The following PPM1L variants were observed in gnomAD, a reference collection of about 807,000 sequenced individuals.
PPM1L encodes protein phosphatase 1L.
Under a neutral mutation model 31.4 loss-of-function variants are expected in PPM1L, and 13 were observed. That is an observed-to-expected ratio of 0.41 (90% CI 0.27 to 0.66). The LOEUF (loss-of-function observed/expected upper bound fraction) is 0.66, where lower values mean the gene tolerates loss of function less well. Ranked by LOEUF, PPM1L falls within the 30% of genes least tolerant of loss-of-function variation. The pLI is 0.29. For synonymous variants in PPM1L, 184 were observed against 175.4 expected, an observed-to-expected ratio of 1.05 and a Z score of -0.39; for missense variants, 326 against 453.7, an observed-to-expected ratio of 0.72 and a Z score of 2.56.
chr3:160,963,509 C>T (rs1001124015), intron 2 of PPM1L, among the ~76,000 whole-genome samples: 6 of 152,058 alleles, frequency 3.9e-5, no homozygotes, highest in African/African-American at 9.7e-5. Context: ...GGACTAAATA[C>T]ACCCTGTAAT....
intron 1 of PPM1L, among the ~76,000 whole-genome samples, chr3:160,927,192 C>T (rs1436572239): frequency 6.6e-6 from 1 of 152,156 alleles, no homozygotes; most frequent in East Asian, 1.9e-4. Context: ...TACTTTAATA[C>T]ACCAACGTCA....
chr3:161,005,457 A>C (rs908501253), intron 2 of PPM1L, among the ~76,000 whole-genome samples: 2 of 152,186 alleles, frequency 1.3e-5, no homozygotes, highest in African/African-American at 4.8e-5. Flanking sequence ...AGTTTAGGAA[A>C]AAGAGATGGC....
chr3:160,997,724 TGAAGAGTGGGTGTGGTGGG>T (rs1436316680), intron 2 of PPM1L, among the ~76,000 whole-genome samples: 3 of 152,118 alleles, frequency 2.0e-5, no homozygotes, highest in Non-Finnish European at 2.9e-5. Flanking sequence ...AAAATTCTTT[TGAAGAGTGGGTGTGGTGGG>T]GAAGGGTCAG....
intron 2 of PPM1L, among the ~76,000 whole-genome samples, chr3:161,038,320 G>T (rs1718806884): frequency 6.7e-6 from 1 of 150,106 alleles, no homozygotes; most frequent in Admixed American, 6.6e-5. Context: ...TATTTTTCTT[G>T]TATTTTTTAG....
intron 2 of PPM1L, among the ~76,000 whole-genome samples, chr3:160,997,180 G>T (rs1717349287): frequency 6.6e-6 from 1 of 152,098 alleles, no homozygotes; most frequent in African/African-American, 2.4e-5. Flanking sequence ...GGTCTATGTG[G>T]ACTGTGACAA....
intron 2 of PPM1L, among the ~76,000 whole-genome samples, chr3:160,983,864 A>G (rs1401622407): frequency 6.6e-6 from 1 of 152,216 alleles, no homozygotes; most frequent in Non-Finnish European, 1.5e-5. Flanking sequence ...CCAAGCCACA[A>G]AACCAGCAAG....
At position 160,824,608 on chromosome 3, in the gene PPM1L, G is replaced by A. The variant is rs987909831; in HGVS notation, c.399+67901G>A. On this transcript the variant is annotated intron_variant, in intron 1 of 3. Transcript: ENST00000498165. ...AGTTGCAGGCCCTTGGGCATGAGGG[G>A]TGCCATATGAGAGAATACGGATGGA... Among the ~76,000 whole-genome samples the A allele has an allele frequency of 2.6e-5, 4 of 152,230 alleles. No homozygotes were observed. In the East Asian group the frequency reaches 7.7e-4, roughly 29 times the overall value.
Position 160,779,998 on chromosome 3 carries a change from G to A in PPM1L, c.399+23291G>A, listed in dbSNP as rs146276814. ...TGTAAAGTACTTAAAGTGGTGCATG[G>A]CACATAGTAGGCACTCATAAATGCT... is the stretch of plus-strand genomic sequence containing the variant. On this transcript the variant is annotated intron_variant, in intron 1 of 3. Coordinates refer to ENST00000498165, the MANE Select transcript of PPM1L (RefSeq NM_139245.4). 4.5e-3 allele frequency among the ~76,000 whole-genome samples: 681 copies of A among 151,952 alleles called. 4 individuals are homozygous for A. The highest frequency in any genetic ancestry group is 0.016 in the African/African-American group (664 of 41,472).
chr3:160,937,089 CATTT>C (rs1285050520), intron 1 of PPM1L, among the ~76,000 whole-genome samples: 1 of 152,064 alleles, frequency 6.6e-6, no homozygotes, highest in Non-Finnish European at 1.5e-5. Context: ...TATTTCAGTT[CATTT>C]GTTTTTTACC....
intron 2 of PPM1L, among the ~76,000 whole-genome samples, chr3:161,030,674 A>C (rs558711198): frequency 6.6e-6 from 1 of 152,284 alleles, no homozygotes; most frequent in East Asian, 1.9e-4. Context: ...AGATGGGCCC[A>C]GGCTCCCAAT....
intron 1 of PPM1L, among the ~76,000 whole-genome samples, chr3:160,819,745 A>G (rs1326879669): frequency 2.6e-5 from 4 of 152,026 alleles, no homozygotes; most frequent in African/African-American, 9.7e-5. Flanking sequence ...TCTATCTGCT[A>G]GCATGGATAG....
chr3:160,927,729 C>T (rs1440727245), intron 1 of PPM1L, among the ~76,000 whole-genome samples: 5 of 152,100 alleles, frequency 3.3e-5, no homozygotes, highest in South Asian at 2.1e-4. Flanking sequence ...GCTGGTCGAA[C>T]GAAACTTGTC....
chr3:161,030,378 A>C (rs779041142), intron 2 of PPM1L, among the ~76,000 whole-genome samples: 1 of 152,064 alleles, frequency 6.6e-6, no homozygotes, highest in Non-Finnish European at 1.5e-5. Flanking sequence ...CTTTTCCACC[A>C]TGAGAGGATG....
chr3:160,974,975 A>G (rs937092532), intron 2 of PPM1L, among the ~76,000 whole-genome samples: 66 of 152,258 alleles, frequency 4.3e-4, no homozygotes, highest in African/African-American at 1.4e-3. Context: ...GGTAATGCCT[A>G]GATTTTCTTC....
chr3:160,760,701 G>A (rs748475974), intron 1 of PPM1L, among the ~76,000 whole-genome samples: 3 of 151,312 alleles, frequency 2.0e-5, no homozygotes, highest in Non-Finnish European at 4.4e-5. Flanking sequence ...TTATCTACAG[G>A]CAAAAGGTGG....
intron 2 of PPM1L, among the ~76,000 whole-genome samples, chr3:161,037,458 A>G (rs1183914999): frequency 8.0e-6 from 1 of 124,576 alleles, no homozygotes; most frequent in Non-Finnish European, 1.6e-5. Flanking sequence ...CTTGTTGCCC[A>G]GGCTAGAGTG....
At chr3:160,918,381 C>T (rs1714265664) in intron 1 of PPM1L, among the ~76,000 whole-genome samples, 1 of 152,188 alleles carries the variant, frequency 6.6e-6, no homozygotes. Flanking sequence ...GATTTGTCTG[C>T]ACAGTACTTT....
chr3:161,021,139 G>T (rs1363000851), intron 2 of PPM1L, among the ~76,000 whole-genome samples: 1 of 151,770 alleles, frequency 6.6e-6, no homozygotes, highest in Non-Finnish European at 1.5e-5. Flanking sequence ...GGTAGCTTAG[G>T]TTTTTTATTT....
intron 1 of PPM1L, among the ~76,000 whole-genome samples, chr3:160,909,676 T>A (rs1576706690): frequency 6.6e-6 from 1 of 152,122 alleles, no homozygotes; most frequent in East Asian, 1.9e-4. Flanking sequence ...TGGACAAAAG[T>A]CCATTTAAAA....
Sources: gnomAD v4.1 joint callset for allele counts (sites outside exome capture counted in the v4.1 genomes callset) on GRCh38, gnomAD v4.1.1 for gene constraint, MANE v1.5 for transcripts, NCBI Gene and HGNC (gene_info 2026-07-23, HGNC 2026-07-21) for gene names.